Variants in PADI3 observed in about 807,000 individuals in gnomAD.
PADI3 encodes peptidyl arginine deiminase 3, also known as protein-arginine deiminase type-3.
A neutral mutation model predicts 71.5 loss-of-function variants in PADI3; 53 were observed. The observed-to-expected ratio is 0.74, with a 90% CI of 0.59 to 0.93. The LOEUF (loss-of-function observed/expected upper bound fraction) is 0.93, where lower values mean the gene tolerates loss of function less well. Ranked by LOEUF, PADI3 falls within the 40% of genes least tolerant of loss-of-function variation. PADI3 has a pLI of 0.00. For synonymous variants in PADI3, 361 were observed against 347.5 expected (o/e 1.04, Z -0.43); for missense variants, 821 against 868.0 (o/e 0.95, Z 0.68).
At chr1:17,278,996 A>T (rs997817420) in intron 13 of PADI3, among the ~76,000 whole-genome samples, 9 of 152,220 alleles carry the variant, frequency 5.9e-5, no homozygotes, top group Non-Finnish European at 7.3e-5. Context: ...ACTCCGGTGA[A>T]CCTAGAGTAA....
rs1460234551 is a variant in PADI3, at chr1:17,259,674, A to G, written c.189A>G (p.Ala63=). The change falls in exon 2 of 16, where the codon GCA becomes GCG. Residue 63 remains alanine (A), a synonymous_variant. Coordinates refer to ENST00000375460, the MANE Select transcript of PADI3 (RefSeq NM_016233.2). ...SPNMERGRER[A]DTRRWRFDAT... ...ACATGGAGAGGGGCCGGGAGCGTGCAGACACCAGGCGGTGGCGCTTTGACG... is the reference window on the plus strand; with the variant it reads ...ACATGGAGAGGGGCCGGGAGCGTGCGGACACCAGGCGGTGGCGCTTTGACG... 5 of 1,613,928 alleles carry G rather than the reference A, an allele frequency of 3.1e-6. No homozygotes were observed. The Admixed American group carries it at 6.7e-5, about 22-fold the overall frequency.
At chr1:17,273,271 A>G in intron 9 of PADI3, 69 bp from the exon 10 acceptor site, 1 of 1,252,636 alleles carries the variant, frequency 8.0e-7, no homozygotes, top group Non-Finnish European at 1.2e-6. Context: ...CACAGGGCTC[A>G]GAGCCGAGCC....
At chr1:17,276,324 G>A (rs548444423) in intron 11 of PADI3, among the ~76,000 whole-genome samples, 195 bp from the exon 12 acceptor site, 1 of 152,280 alleles carries the variant, frequency 6.6e-6, no homozygotes, top group African/African-American at 2.4e-5. Flanking sequence ...GTGACAGAGT[G>A]AGATTCCATC....
In PADI3 at chr1:17,262,223, T is replaced by G. The variant is rs146198557; in HGVS notation, c.346+18T>G. On this transcript the variant is annotated intron_variant, in intron 3 of 15. Coordinates refer to ENST00000375460, the MANE Select transcript of PADI3 (RefSeq NM_016233.2). Reference sequence around the variant, plus strand: ...CTGTGTTGGTAAGTTGGGGGCCATGTTGATGGTGTGGCCAAGGGCACATTT... The same window carrying G: ...CTGTGTTGGTAAGTTGGGGGCCATGGTGATGGTGTGGCCAAGGGCACATTT... The G allele has an allele frequency of 2.8e-5, 44 of 1,588,972 alleles. No homozygotes were observed. In the East Asian group the frequency reaches 9.9e-4, roughly 36 times the overall value.
chr1:17,276,585 C>G lies in PADI3; in HGVS notation c.1374C>G (p.Pro458=), dbSNP rs925276866. 6.2e-7 allele frequency: 1 copy of G among 1,614,166 alleles called. No homozygotes were observed. The highest frequency in any genetic ancestry group is 8.5e-7 in the Non-Finnish European group (1 of 1,180,024). ...TCCATGCCCAGAAGGTGCAGCCCCC[C>G]GTGGAGCTCTTTGTGGACTGGTTGG... ...DFLHAQKVQP[P]VELFVDWLAV... Residue 458 remains proline, a synonymous_variant, in exon 12 of 16, where the codon CCC becomes CCG. Coordinates refer to ENST00000375460, the MANE Select transcript of PADI3 (RefSeq NM_016233.2).
intron 13 of PADI3, among the ~76,000 whole-genome samples, chr1:17,279,543 G>A (rs2073375692): frequency 6.6e-6 from 1 of 152,174 alleles, no homozygotes; most frequent in African/African-American, 2.4e-5. Context: ...GTCAAGGCTT[G>A]AGGCCCTGTG....
At chr1:17,254,717 A>AC (rs1553132969) in intron 1 of PADI3, among the ~76,000 whole-genome samples, 4 of 128,480 alleles carry the variant, frequency 3.1e-5, no homozygotes, top group Middle Eastern at 3.5e-3. Context: ...AGGCTCCAGC[A>AC]TTTTTTTTTT....
intron 14 of PADI3, 48 bp downstream of exon 14, chr1:17,280,477 G>T: frequency 1.3e-6 from 2 of 1,545,982 alleles, no homozygotes; most frequent in South Asian, 2.2e-5. Context: ...GGAGTAGGCG[G>T]GGCTGGAGGC....
At position 17,278,577 on chromosome 1, in the gene PADI3, T is replaced by TGA. The variant is rs958690877; in HGVS notation, c.1555+1713_1555+1714dup. ...TTTTTGTTTTGCACTGGAAGAATTTTGAGAGAGAGAGAGCTGGCTGGACTG... is the reference window on the plus strand; with the variant it reads ...TTTTTGTTTTGCACTGGAAGAATTTTGAGAGAGAGAGAGAGCTGGCTGGACTG... On this transcript the variant is annotated intron_variant, in intron 13 of 15. Transcript: ENST00000375460. Among the ~76,000 whole-genome samples, 6 of 152,022 alleles carry TGA rather than the reference T, an allele frequency of 3.9e-5. No individual in the cohort carries two copies. The South Asian group carries it at 1.0e-3, about 26-fold the overall frequency.
chr1:17,260,000 C>T (rs1470696517), intron 2 of PADI3, among the ~76,000 whole-genome samples: 1 of 152,152 alleles, frequency 6.6e-6, no homozygotes, highest in Non-Finnish European at 1.5e-5. Flanking sequence ...ATGGGATAAT[C>T]ATAACCCCTG....
intron 2 of PADI3, among the ~76,000 whole-genome samples, chr1:17,261,535 C>A (rs996774938): frequency 6.6e-6 from 1 of 152,240 alleles, no homozygotes; most frequent in East Asian, 1.9e-4. Flanking sequence ...GCCCCCACCC[C>A]ACAAGATGCC....
At position 17,283,152 on chromosome 1, in the gene PADI3, C is replaced by T; in HGVS notation, c.*73C>T. On this transcript the variant is annotated 3_prime_UTR_variant, in exon 16 of 16. Transcript: ENST00000375460. ...AGGTGGTGGAGACAGAGACAGGCCC[C>T]TGAACGATAAGCACCAAGAGACCCC... 1 of 1,183,522 alleles carries T rather than the reference C, an allele frequency of 8.4e-7. No individual in the cohort carries two copies. 73.3% of individuals were successfully genotyped at this position (1,183,522 alleles called of 1,614,324 possible). A position where few individuals can be genotyped will look rare whatever the true frequency, so the allele number is the denominator to read the frequency against.
At position 17,273,404 on chromosome 1, in the gene PADI3, C is replaced by T. The variant is rs750764804; in HGVS notation, c.1112C>T (p.Pro371Leu). 1 of 1,613,660 alleles carries T rather than the reference C, an allele frequency of 6.2e-7. No individual in the cohort carries two copies. Among genetic ancestry groups the T allele is most frequent in the Non-Finnish European group, 8.5e-7 (1 of 1,179,826 alleles). The change falls in exon 10 of 16, where the codon CCA becomes CTA. Residue 371 changes from proline (P) to leucine (L), a missense_variant. Transcript: ENST00000375460. Reference protein sequence around the residue: ...HKTLPVVFDSPRNGELQDFPY... With the variant: ...HKTLPVVFDSLRNGELQDFPY... ...ACCCTCCCGGTGGTCTTTGACTCCC[C>T]AAGGAATGGGGAACTGCAGGATTTC...
intron 15 of PADI3, 68 bp from the exon 16 acceptor site, chr1:17,282,778 C>A: frequency 3.4e-6 from 4 of 1,189,434 alleles, no homozygotes; most frequent in Non-Finnish European, 4.8e-6. Flanking sequence ...AACCTAGGTC[C>A]TGCAGGTAGA....
At position 17,267,948 on chromosome 1, in the gene PADI3, T is replaced by A. The variant is rs779026106; in HGVS notation, c.638T>A (p.Val213Asp). ...TSSYDAKRAQVFHICGPEDVC... is the reference protein window; with the variant it reads ...TSSYDAKRAQDFHICGPEDVC... ...AGCTATGATGCCAAACGGGCACAGGTCTTCCACATCTGCGGTGAGTTTGTG... is the reference window on the plus strand; with the variant it reads ...AGCTATGATGCCAAACGGGCACAGGACTTCCACATCTGCGGTGAGTTTGTG... The change falls in exon 6 of 16, where the codon GTC becomes GAC. Residue 213 changes from valine to aspartate, a missense_variant. Val to Asp is a radical substitution (Grantham distance 152, BLOSUM62 -3). Transcript: ENST00000375460. 6.2e-7 allele frequency: 1 copy of A among 1,614,162 alleles called. No homozygotes were observed. The highest frequency in any genetic ancestry group is 1.1e-5 in the South Asian group (1 of 91,090).
At chr1:17,273,490 C>G (rs2073284947) in intron 10 of PADI3, 43 bp downstream of exon 10, 1 of 1,380,754 alleles carries the variant, frequency 7.2e-7, no homozygotes. Context: ...AGCTGAGAGG[C>G]CTTACCCCAG....
intron 1 of PADI3, among the ~76,000 whole-genome samples, chr1:17,253,694 T>G (rs1051837103): frequency 1.3e-5 from 2 of 152,198 alleles, no homozygotes; most frequent in African/African-American, 4.8e-5. Context: ...CCGCTGGGGA[T>G]GAATGTGCAG....
At chr1:17,276,497 T>G (rs2073332064) in intron 11 of PADI3, 22 bp from the exon 12 acceptor site, 6 of 1,613,240 alleles carry the variant, frequency 3.7e-6, no homozygotes, top group Non-Finnish European at 4.2e-6. Flanking sequence ...AGCAACTTTT[T>G]TTTTAACCTC....
In PADI3 at chr1:17,267,826, T is replaced by C. The variant is rs1451312382; in HGVS notation, c.527-11T>C. Reference sequence around the variant, plus strand: ...TCCCTTGAGTCACTACCACTCTGTCTGGCTTCACAGACCTGGAAGACATGT... The same window carrying C: ...TCCCTTGAGTCACTACCACTCTGTCCGGCTTCACAGACCTGGAAGACATGT... On this transcript the variant is annotated splice_polypyrimidine_tract_variant and intron_variant, in intron 5 of 15. Coordinates refer to ENST00000375460, the MANE Select transcript of PADI3 (RefSeq NM_016233.2). 3 of 1,613,160 alleles carry C rather than the reference T, an allele frequency of 1.9e-6. No homozygotes were observed. Among genetic ancestry groups the C allele is most frequent in the South Asian group, 1.1e-5 (1 of 91,080 alleles).
Sources: gnomAD v4.1 joint callset for allele counts (sites outside exome capture counted in the v4.1 genomes callset) on GRCh38, gnomAD v4.1.1 for gene constraint, MANE v1.5 for transcripts, NCBI Gene and HGNC (gene_info 2026-07-23, HGNC 2026-07-21) for gene names.